Variants in CADPS2 observed in about 807,000 individuals in gnomAD.
The protein encoded by CADPS2 is calcium dependent secretion activator 2.
In CADPS2, 93 loss-of-function variants were observed where a neutral mutation model predicts 172.5. That is an observed-to-expected ratio of 0.54 (90% CI 0.46 to 0.64). The LOEUF is 0.64. Among genes scored for constraint, CADPS2 ranks in the 30% least tolerant of loss-of-function variants. The pLI is 0.00. For synonymous variants in CADPS2, 546 were observed against 555.2 expected (o/e 0.98, Z 0.23); for missense variants, 1,420 against 1,565.9 (o/e 0.91, Z 1.57).
In CADPS2 at chr7:122,335,543, T is replaced by C. The variant is rs963632562; in HGVS notation, c.3613-9962A>G. On this transcript the variant is annotated intron_variant, in intron 28 of 29. Transcript: ENST00000449022. ...GTTATGTAGCCAGTGAGAGAAAAAG[T>C]CAACAAAAACAAATATAGGGAATAT... 2.0e-5 allele frequency among the ~76,000 whole-genome samples: 3 copies of C among 152,174 alleles called. No homozygotes were observed. In the South Asian group the frequency reaches 6.2e-4, roughly 32 times the overall value.
In CADPS2 at chr7:122,869,464, T is replaced by A. The variant is rs564831871; in HGVS notation, c.339+16535A>T. ...AAAAGAAAAATAACAAAACTGCCAA[T>A]AGTATTATACCCAGCAAACCTGTCC... On this transcript the variant is annotated intron_variant, in intron 1 of 29. Coordinates refer to ENST00000449022, the MANE Select transcript of CADPS2 (RefSeq NM_017954.11). 3.5e-3 allele frequency among the ~76,000 whole-genome samples: 526 copies of A among 151,884 alleles called. 1 individual carries two copies. The highest frequency in any genetic ancestry group is 5.8e-3 in the Non-Finnish European group (391 of 67,916).
intron 2 of CADPS2, among the ~76,000 whole-genome samples, chr7:122,670,963 T>C (rs1436704449): frequency 1.3e-5 from 2 of 152,006 alleles, no homozygotes; most frequent in African/African-American, 2.4e-5. Flanking sequence ...CCACAGGCCT[T>C]TTAAAAACCT....
At chr7:122,619,309 C>T (rs975020617) in intron 5 of CADPS2, among the ~76,000 whole-genome samples, 2 of 152,080 alleles carry the variant, frequency 1.3e-5, no homozygotes, top group Non-Finnish European at 1.5e-5. Flanking sequence ...ATTTGCTCTA[C>T]AAATTATTTT....
At chr7:122,709,856 A>T (rs993171873) in intron 2 of CADPS2, among the ~76,000 whole-genome samples, 4 of 151,944 alleles carry the variant, frequency 2.6e-5, no homozygotes, top group East Asian at 3.9e-4. Flanking sequence ...GAATTGAACA[A>T]TGAGAACACA....
intron 2 of CADPS2, among the ~76,000 whole-genome samples, chr7:122,716,776 G>A (rs1284649236): frequency 1.3e-5 from 2 of 152,120 alleles, no homozygotes; most frequent in South Asian, 2.1e-4. Context: ...GTAAAAGGTA[G>A]AGTGCGACCA....
At chr7:122,564,556 C>G (rs955309544) in intron 7 of CADPS2, among the ~76,000 whole-genome samples, 12 of 152,000 alleles carry the variant, frequency 7.9e-5, no homozygotes, top group African/African-American at 2.7e-4. Flanking sequence ...ATCCACCTAC[C>G]TCGGACTCCC....
intron 15 of CADPS2, among the ~76,000 whole-genome samples, chr7:122,449,956 T>C (rs778406225): frequency 1.3e-5 from 2 of 152,144 alleles, no homozygotes; most frequent in Non-Finnish European, 2.9e-5. Context: ...GAAAAATCAC[T>C]AATGTAGGGG....
intron 1 of CADPS2, among the ~76,000 whole-genome samples, chr7:122,807,148 C>T (rs1798955703): frequency 6.6e-6 from 1 of 152,228 alleles, no homozygotes; most frequent in South Asian, 2.1e-4. Context: ...GGGGCATGTG[C>T]TGGTGGCCTA....
rs2053080958 is a variant in CADPS2, at chr7:122,451,365, A to T, written c.2288+9T>A. ...AAAGAAATATTTATATTAATAAAAA[A>T]ATATATACCTGAAATGGCTTATCTG... is the stretch of plus-strand genomic sequence containing the variant. On this transcript the variant is annotated intron_variant, in intron 15 of 29. Coordinates refer to ENST00000449022, the MANE Select transcript of CADPS2 (RefSeq NM_017954.11). The T allele has an allele frequency of 1.5e-6, 2 of 1,351,298 alleles. No individual in the cohort carries two copies. 83.7% of individuals were successfully genotyped at this position (1,351,298 alleles called of 1,614,324 possible). A position where few individuals can be genotyped will look rare whatever the true frequency, so the allele number is the denominator to read the frequency against.
intron 1 of CADPS2, among the ~76,000 whole-genome samples, chr7:122,873,145 A>G (rs1284068685): frequency 2.6e-5 from 4 of 152,096 alleles, no homozygotes; most frequent in Admixed American, 2.6e-4. Context: ...CCAGATATAT[A>G]TTTTTTAAAT....
intron 1 of CADPS2, among the ~76,000 whole-genome samples, chr7:122,742,519 A>T (rs552819889): frequency 6.6e-6 from 1 of 152,336 alleles, no homozygotes; most frequent in Non-Finnish European, 1.5e-5. Flanking sequence ...AAAATGTACT[A>T]GATAGACTGA....
At chr7:122,657,961 A>C (rs1410476042) in intron 3 of CADPS2, among the ~76,000 whole-genome samples, 2 of 152,166 alleles carry the variant, frequency 1.3e-5, no homozygotes, top group East Asian at 1.9e-4. Context: ...CAACCTACAG[A>C]ATGGGAGAAA....
At chr7:122,357,984 A>G (rs893332905) in intron 27 of CADPS2, among the ~76,000 whole-genome samples, 1 of 152,130 alleles carries the variant, frequency 6.6e-6, no homozygotes, top group African/African-American at 2.4e-5. Context: ...AATCAGTTGG[A>G]TAAGTGCAGA....
chr7:122,400,116 T>G (rs1036703549), intron 20 of CADPS2, among the ~76,000 whole-genome samples: 1 of 151,922 alleles, frequency 6.6e-6, no homozygotes, highest in African/African-American at 2.4e-5. Flanking sequence ...CAGATTAAAA[T>G]TTTTAAAAAG....
At chr7:122,822,235 T>G (rs1395943045) in intron 1 of CADPS2, among the ~76,000 whole-genome samples, 1 of 151,916 alleles carries the variant, frequency 6.6e-6, no homozygotes, top group Non-Finnish European at 1.5e-5. Context: ...TTCTTAGACC[T>G]TTTATACCTG....
intron 2 of CADPS2, among the ~76,000 whole-genome samples, chr7:122,677,556 C>G (rs1183860466): frequency 6.6e-6 from 1 of 152,102 alleles, no homozygotes; most frequent in African/African-American, 2.4e-5. Context: ...CTGTATTTTG[C>G]AAATAGCTAA....
At chr7:122,555,760 G>C (rs964028230) in intron 7 of CADPS2, among the ~76,000 whole-genome samples, 1 of 151,890 alleles carries the variant, frequency 6.6e-6, no homozygotes, top group East Asian at 1.9e-4. Flanking sequence ...AAGTTGTTAG[G>C]GATAGTCTTT....
At chr7:122,581,721 G>T (rs973930573) in intron 6 of CADPS2, among the ~76,000 whole-genome samples, 1 of 152,018 alleles carries the variant, frequency 6.6e-6, no homozygotes, top group African/African-American at 2.4e-5. Context: ...CACCTGAGAG[G>T]TCTTTATTAA....
intron 1 of CADPS2, among the ~76,000 whole-genome samples, chr7:122,803,974 G>GAAAAAAAA (rs869246600): frequency 3.9e-4 from 33 of 85,124 alleles, no homozygotes; most frequent in African/African-American, 1.4e-3. Flanking sequence ...GGCTTGAATG[G>GAAAAAAAA]AAAAAAAAAA....
Sources: allele counts gnomAD v4.1 joint callset (sites outside exome capture counted in the v4.1 genomes callset), GRCh38; gene constraint gnomAD v4.1.1; transcripts MANE v1.5; gene names NCBI Gene and HGNC (gene_info 2026-07-23, HGNC 2026-07-21).